NOTCH1: variants seen among roughly 807,000 people sequenced by gnomAD.
The protein encoded by NOTCH1 is notch receptor 1.
NOTCH1 carries 37 observed loss-of-function variants against 254.8 expected under a neutral mutation model. The ratio of observed to expected loss-of-function variants is 0.15; its 90% CI spans 0.11 to 0.19. The LOEUF is 0.19. Among genes scored for constraint, NOTCH1 ranks in the 10% least tolerant of loss-of-function variants. The pLI is 1.00. For synonymous variants in NOTCH1, 1,731 were observed against 1,618.1 expected (o/e 1.07, Z -1.68); for missense variants, 2,972 against 3,708.6 (o/e 0.80, Z 5.16).
rs368675083 is a variant in NOTCH1, at chr9:136,501,729, T to C, written c.5638+19A>G. The C allele has an allele frequency of 2.9e-4, 465 of 1,609,490 alleles. No individual in the cohort carries two copies. Among genetic ancestry groups the C allele is most frequent in the Non-Finnish European group, 3.8e-4 (446 of 1,179,638 alleles). On this transcript the variant is annotated intron_variant, in intron 30 of 33. Transcript: ENST00000651671. ...GTGGGCCACGGGGCTAGGGAAGCCC[T>C]GGCTGCTGGCACCCTTACCAGGCCC... is the stretch of plus-strand genomic sequence containing the variant.
rs377289044 is a variant in NOTCH1, at chr9:136,506,765, G to C, written c.3852C>G (p.Cys1284Trp). ...NPCDARGTQN[C>W]VQRVNDFHCE... ...AGTGGAAGTCATTGACGCGCTGCAC[G>C]CAGTTCTGGGTGCCACGGGCGTCGC... The change falls in exon 23 of 34, where the codon TGC becomes TGG. Residue 1284 changes from cysteine to tryptophan, a missense_variant. Transcript: ENST00000651671. This position sits in a 1 kb window ranked among gnomAD's most constrained non-coding sequence, Gnocchi z 4.5. 12 of 1,607,728 alleles carry C rather than the reference G, an allele frequency of 7.5e-6. No homozygotes were observed. Among genetic ancestry groups the C allele is most frequent in the Non-Finnish European group, 1.0e-5 (12 of 1,177,804 alleles).
At chr9:136,515,455 C>T (rs1292775977) in intron 11 of NOTCH1, 28 bp downstream of exon 11, 1 of 1,611,580 alleles carries the variant, frequency 6.2e-7, no homozygotes. Context: ...CCACTGGCCC[C>T]CCGCCGGCCA....
chr9:136,526,092 G>A (rs1022338674), intron 2 of NOTCH1, among the ~76,000 whole-genome samples: 13 of 152,202 alleles, frequency 8.5e-5, no homozygotes, highest in African/African-American at 2.2e-4. Context: ...CCATGTGGCC[G>A]GTCACTCCGG....
At chr9:136,526,455 C>T (rs1261117253) in intron 2 of NOTCH1, among the ~76,000 whole-genome samples, 2 of 152,244 alleles carry the variant, frequency 1.3e-5, no homozygotes, top group African/African-American at 2.4e-5. Context: ...AGCTGGTCCC[C>T]TGCCTCCCGG....
intron 25 of NOTCH1, 27 bp from the exon 26 acceptor site, chr9:136,505,131 C>T (rs770713529): frequency 2.1e-5 from 33 of 1,598,968 alleles, no homozygotes; most frequent in Middle Eastern, 1.8e-4. Context: ...ACGCTCAGGC[C>T]GCCTTCCTCG....
In NOTCH1 at chr9:136,515,469, G is replaced by C. The variant is rs370541870; in HGVS notation, c.1903+14C>G. 6.2e-7 allele frequency: 1 copy of C among 1,611,270 alleles called. No individual in the cohort carries two copies. The highest frequency in any genetic ancestry group is 8.5e-7 in the Non-Finnish European group (1 of 1,179,366). On this transcript the variant is annotated intron_variant, in intron 11 of 33. Transcript: ENST00000651671. ...CCCACTGGCCCCCCGCCGGCCACCC[G>C]CCTGGCCGGCCACCTGTGGTCCCCT...
chr9:136,530,545 C>T (rs1305877033), intron 2 of NOTCH1, among the ~76,000 whole-genome samples: 2 of 152,062 alleles, frequency 1.3e-5, no homozygotes, highest in African/African-American at 4.8e-5. Context: ...AAGACACAGC[C>T]CAGCAGGCTC....
At position 136,540,230 on chromosome 9, in the gene NOTCH1, C is replaced by A. The variant is rs1226913644; in HGVS notation, c.140+3794G>T. On this transcript the variant is annotated intron_variant, in intron 2 of 33. Transcript: ENST00000651671. The surrounding 1 kb of genome is among the most constrained non-coding windows in gnomAD (Gnocchi z 4.4). ...CTCACGCCTTGCTGGGAAGTGAACT[C>A]CACAGGAGCAGGGGCCATGTCTGCC... 6.6e-6 allele frequency among the ~76,000 whole-genome samples: 1 copy of A among 152,214 alleles called. No individual in the cohort carries two copies. The highest frequency in any genetic ancestry group is 1.5e-5 in the Non-Finnish European group (1 of 68,036).
chr9:136,515,543 C>T lies in NOTCH1; in HGVS notation c.1843G>A (p.Gly615Arg), dbSNP rs764942073. 1.7e-5 allele frequency: 28 copies of T among 1,611,590 alleles called. No homozygotes were observed. The East Asian group carries it at 2.2e-4, about 13-fold the overall frequency. Reference sequence around the variant, plus strand: ...TTGTCGCGGTCCTGGCAGGTGCCCCCGTGGCGGCAGGGCTGGCTGGAGCAC... The same window carrying T: ...TTGTCGCGGTCCTGGCAGGTGCCCCTGTGGCGGCAGGGCTGGCTGGAGCAC... ...NECSSQPCRH[G>R]GTCQDRDNAY... The change falls in exon 11 of 34, where the codon GGG becomes AGG. Residue 615 changes from glycine to arginine, a missense_variant. Physicochemically the swap from Gly to Arg is moderately radical, Grantham distance 125. Transcript: ENST00000651671.
chr9:136,504,262 C>T (rs1241719920), intron 26 of NOTCH1, among the ~76,000 whole-genome samples: 1 of 152,236 alleles, frequency 6.6e-6, no homozygotes, highest in East Asian at 1.9e-4. Flanking sequence ...GTCTCGAACT[C>T]CTGGGCTCAA....
rs2133354467 is a variant in NOTCH1 at position 136,511,168 on chromosome 9, G to A, written c.2571C>T (p.Cys857=). The A allele has an allele frequency of 6.2e-7, 1 of 1,612,886 alleles. No individual in the cohort carries two copies. Among genetic ancestry groups the A allele is most frequent in the Non-Finnish European group, 8.5e-7 (1 of 1,179,994 alleles). The change falls in exon 16 of 34, where the codon TGC becomes TGT. Residue 857 remains cysteine (C), a synonymous_variant. Coordinates refer to ENST00000651671, the MANE Select transcript of NOTCH1 (RefSeq NM_017617.5). Reference sequence around the variant, plus strand: ...CAGCCTCACCTTGCCAGCCCGTGGGGCAGACACAGGAGAAGCTCTCATAGT... The same window carrying A: ...CAGCCTCACCTTGCCAGCCCGTGGGACAGACACAGGAGAAGCTCTCATAGT... The part of the protein sequence containing the change: ...SEDYESFSCV[C]PTGWQGQTCE...
At chr9:136,541,265 C>A (rs1843728649) in intron 2 of NOTCH1, among the ~76,000 whole-genome samples, 1 of 152,192 alleles carries the variant, frequency 6.6e-6, no homozygotes, top group East Asian at 1.9e-4. Flanking sequence ...ACCAACAAAA[C>A]CACTTTTTCC....
In NOTCH1 at chr9:136,504,738, C is replaced by T. The variant is rs761306198; in HGVS notation, c.4953G>A (p.Ser1651=). The T allele has an allele frequency of 1.2e-5, 18 of 1,544,762 alleles. No homozygotes were observed. Among genetic ancestry groups the T allele is most frequent in the Middle Eastern group, 1.9e-4 (1 of 5,350 alleles). The change falls in exon 26 of 34, where the codon TCG becomes TCA. Residue 1651 remains serine (S), a synonymous_variant. Coordinates refer to ENST00000651671, the MANE Select transcript of NOTCH1 (RefSeq NM_017617.5). Reference sequence around the variant, plus strand: ...CACCCTCGCTGCCACCAGGGAGCAGCGAGGCCTTCACCTGGCCCAGCAGGG... The same window carrying T: ...CACCCTCGCTGCCACCAGGGAGCAGTGAGGCCTTCACCTGGCCCAGCAGGG... ...PDALLGQVKA[S]LLPGGSEGGR...
rs1057524704 is a variant in NOTCH1, at chr9:136,506,643, G to A, written c.3902-4C>T. On this transcript the variant is annotated splice_region_variant and splice_polypyrimidine_tract_variant and intron_variant, in intron 23 of 33. Transcript: ENST00000651671. This position sits in a 1 kb window ranked among gnomAD's most constrained non-coding sequence, Gnocchi z 4.5. ...ATGACGGACTCGCAGCGGCGCCCTA[G>A]GGGTAAGAGCAGGGCAGTGAGAGGC... 3 of 1,604,320 alleles carry A rather than the reference G, an allele frequency of 1.9e-6. No homozygotes were observed. Among genetic ancestry groups the A allele is most frequent in the South Asian group, 1.1e-5 (1 of 89,622 alleles).
intron 2 of NOTCH1, among the ~76,000 whole-genome samples, chr9:136,526,364 A>T (rs891085817): frequency 6.6e-6 from 1 of 152,156 alleles, no homozygotes; most frequent in African/African-American, 2.4e-5. Flanking sequence ...CAGCCGCTGA[A>T]GTCGGCAGGG....
chr9:136,544,663 A>G (rs1453112212), intron 1 of NOTCH1, among the ~76,000 whole-genome samples: 1 of 152,004 alleles, frequency 6.6e-6, no homozygotes, highest in Admixed American at 6.5e-5. Context: ...CCGCCTCAGA[A>G]TCAGAGCGGC....
Position 136,513,949 on chromosome 9 carries a change from A to G in NOTCH1, c.2208-412T>C, listed in dbSNP as rs1168463472. ...GCCATTGCACTCCAGCCTGGACAAC[A>G]GAGCAAGGCTCTGTCTCAAAATAAA... is the stretch of plus-strand genomic sequence containing the variant. On this transcript the variant is annotated intron_variant, in intron 13 of 33. Transcript: ENST00000651671. The surrounding 1 kb of genome is among the most constrained non-coding windows in gnomAD (Gnocchi z 4.7). 2.0e-5 allele frequency among the ~76,000 whole-genome samples: 3 copies of G among 152,188 alleles called. No individual in the cohort carries two copies. Among genetic ancestry groups the G allele is most frequent in the Non-Finnish European group, 4.4e-5 (3 of 68,036 alleles).
rs1387879416 is a variant in NOTCH1, at chr9:136,510,748, G to T, written c.2645C>A (p.Ala882Glu). Residue 882 changes from alanine to glutamate, a missense_variant, in exon 17 of 34, where the codon GCA becomes GAA. Coordinates refer to ENST00000651671, the MANE Select transcript of NOTCH1 (RefSeq NM_017617.5). Reference sequence around the variant, plus strand: ...GCCGCCGTGGGTGTTCTGGCAGGATGCGCCGTGCCGGCACGGGCTCAGAAC... The same window carrying T: ...GCCGCCGTGGGTGTTCTGGCAGGATTCGCCGTGCCGGCACGGGCTCAGAAC... Reference protein sequence around the residue: ...ECVLSPCRHGASCQNTHGGYR... With the variant: ...ECVLSPCRHGESCQNTHGGYR... 1 of 1,610,684 alleles carries T rather than the reference G, an allele frequency of 6.2e-7. No homozygotes were observed. Among genetic ancestry groups the T allele is most frequent in the Non-Finnish European group, 8.5e-7 (1 of 1,179,876 alleles).
chr9:136,500,823 G>T lies in NOTCH1; in HGVS notation c.5663C>A (p.Ala1888Asp). The T allele has an allele frequency of 6.3e-7, 1 of 1,597,312 alleles. No individual in the cohort carries two copies. The highest frequency in any genetic ancestry group is 8.5e-7 in the Non-Finnish European group (1 of 1,179,176). Residue 1888 changes from alanine (A) to aspartate (D), a missense_variant, in exon 31 of 34, where the codon GCC becomes GAC. Coordinates refer to ENST00000651671, the MANE Select transcript of NOTCH1 (RefSeq NM_017617.5). ...CTCCAGGCCGCCCCCGCTGCAGGAG[G>T]CGATCATGAGCGGGGTGAAGCCATC... ...GPDGFTPLMI[A>D]SCSGGGLETG...
Sources: gnomAD v4.1 joint callset for allele counts (sites outside exome capture counted in the v4.1 genomes callset) on GRCh38, gnomAD v4.1.1 for gene constraint, Gnocchi (gnomAD v3.1) non-coding constraint, MANE v1.5 for transcripts, NCBI Gene and HGNC (gene_info 2026-07-23, HGNC 2026-07-21) for gene names.